COL4A2: variants seen among roughly 807,000 people sequenced by gnomAD.
COL4A2 encodes collagen type IV alpha 2 chain, also known as collagen alpha-2(IV) chain.
COL4A2 carries 99 observed loss-of-function variants against 200.2 expected under a neutral mutation model. That is an observed-to-expected ratio of 0.49 (90% CI 0.42 to 0.58). The LOEUF is 0.58. COL4A2 is among the 20% of genes least tolerant of loss of function. The pLI, the probability that COL4A2 is intolerant of heterozygous loss-of-function variation, is 0.00. For missense variants in COL4A2, 1,950 were observed against 2,314.1 expected (o/e 0.84, Z 3.23); for synonymous variants, 897 against 900.6 (o/e 1.00, Z 0.07).
intron 3 of COL4A2, among the ~76,000 whole-genome samples, chr13:110,347,059 C>T (rs1012619370): frequency 3.3e-5 from 5 of 152,206 alleles, no homozygotes; most frequent in African/African-American, 1.2e-4. Context: ...CTGCTTTTCG[C>T]CTCTAGAAAG....
Position 110,357,700 on chromosome 13 carries a change from C to A in COL4A2, c.180+148C>A. ...AGAGTACTCACACAAACCTAGATGG[C>A]CGGGCCTACTACACACCCGGCTGTG... On this transcript the variant is annotated intron_variant, in intron 4 of 47. Coordinates refer to ENST00000360467, the MANE Select transcript of COL4A2 (RefSeq NM_001846.4). 2.5e-6 allele frequency: 3 copies of A among 1,217,446 alleles called. No individual in the cohort carries two copies. The South Asian group carries it at 4.7e-5, about 19-fold the overall frequency. 75.4% of individuals were successfully genotyped at this position (1,217,446 alleles called of 1,614,324 possible).
intron 27 of COL4A2, among the ~76,000 whole-genome samples, 180 bp from the exon 28 acceptor site, chr13:110,469,037 A>T (rs2139508000): frequency 6.6e-6 from 1 of 152,346 alleles, no homozygotes; most frequent in East Asian, 1.9e-4. Flanking sequence ...GTCCGTAAAC[A>T]GGATTTTAAA....
intron 4 of COL4A2, among the ~76,000 whole-genome samples, chr13:110,423,159 G>A (rs1219766661): frequency 1.3e-5 from 2 of 152,112 alleles, no homozygotes; most frequent in Non-Finnish European, 2.9e-5. Context: ...AGGAAATTAG[G>A]ACATACGTTT....
At chr13:110,431,333 C>T (rs1566529222) in intron 10 of COL4A2, among the ~76,000 whole-genome samples, 1 of 152,156 alleles carries the variant, frequency 6.6e-6, no homozygotes, top group African/African-American at 2.4e-5. Context: ...ACACCAGTTC[C>T]TTGACAGATA....
chr13:110,446,469 G>A (rs967498392), intron 17 of COL4A2, among the ~76,000 whole-genome samples: 15 of 152,156 alleles, frequency 9.9e-5, no homozygotes, highest in African/African-American at 2.9e-4. Flanking sequence ...GCCCACCCTC[G>A]CCAGGCGGCT....
At chr13:110,408,703 C>T (rs1317877194) in intron 4 of COL4A2, among the ~76,000 whole-genome samples, 3 of 152,134 alleles carry the variant, frequency 2.0e-5, no homozygotes, top group Non-Finnish European at 4.4e-5. Flanking sequence ...CGGCATTGCT[C>T]CTGCCTGGTG....
chr13:110,335,469 C>T (rs542048835), intron 3 of COL4A2, among the ~76,000 whole-genome samples: 33 of 152,276 alleles, frequency 2.2e-4, no homozygotes, highest in Admixed American at 3.3e-4. Flanking sequence ...CTCTTGTCTG[C>T]CACCATGTAA....
At chr13:110,472,799 C>T (rs1882529464) in intron 28 of COL4A2, 130 bp from the exon 29 acceptor site, 5 of 743,094 alleles carry the variant, frequency 6.7e-6, no homozygotes, top group East Asian at 5.4e-5. Flanking sequence ...GGGACAAGGG[C>T]TCGAGCTGAG....
At chr13:110,408,129 A>T (rs1346588008) in intron 4 of COL4A2, among the ~76,000 whole-genome samples, 1 of 152,120 alleles carries the variant, frequency 6.6e-6, no homozygotes. Context: ...GCAGAACAGG[A>T]ATCAGGAAGG....
At chr13:110,365,467 T>C (rs1225467302) in intron 4 of COL4A2, among the ~76,000 whole-genome samples, 1 of 152,176 alleles carries the variant, frequency 6.6e-6, no homozygotes, top group Admixed American at 6.5e-5. Context: ...TAGAACTAGA[T>C]GTCTCATTGA....
At chr13:110,507,816 A>T in intron 46 of COL4A2, 119 bp from the exon 47 acceptor site, 1 of 1,071,462 alleles carries the variant, frequency 9.3e-7, no homozygotes, top group Middle Eastern at 3.1e-4. Context: ...TAGGTGGCTA[A>T]ACTCCACCAG....
intron 4 of COL4A2, among the ~76,000 whole-genome samples, chr13:110,419,595 G>A (rs748868129): frequency 8.5e-5 from 13 of 152,256 alleles, no homozygotes; most frequent in Middle Eastern, 3.4e-3. Context: ...TGATGAATGC[G>A]GGAGTGTCGG....
intron 4 of COL4A2, among the ~76,000 whole-genome samples, chr13:110,396,403 G>C (rs1211963578): frequency 6.6e-6 from 1 of 152,216 alleles, no homozygotes; most frequent in Non-Finnish European, 1.5e-5. Context: ...CGTTGGAAAT[G>C]GGGGAGCGTG....
At chr13:110,472,337 G>A (rs187742841) in intron 28 of COL4A2, among the ~76,000 whole-genome samples, 30 of 152,062 alleles carry the variant, frequency 2.0e-4, no homozygotes, top group Middle Eastern at 3.4e-3. Flanking sequence ...GGATGGTCTC[G>A]ATCTCCTGAC....
chr13:110,396,541 T>C (rs1338183420), intron 4 of COL4A2, among the ~76,000 whole-genome samples: 1 of 152,184 alleles, frequency 6.6e-6, no homozygotes, highest in African/African-American at 2.4e-5. Context: ...AATCTGGCCA[T>C]CAAGATGTTC....
At chr13:110,476,083 C>T (rs895715966) in intron 29 of COL4A2, among the ~76,000 whole-genome samples, 5 of 152,220 alleles carry the variant, frequency 3.3e-5, no homozygotes, top group African/African-American at 1.2e-4. Context: ...CTGCTGCCCC[C>T]TGCTGAGGCC....
rs761236162 is a variant in COL4A2, at chr13:110,424,877, C to G, written c.315+9C>G. On this transcript the variant is annotated intron_variant, in intron 5 of 47. Transcript: ENST00000360467. The stretch of plus-strand genomic sequence containing the variant: ...GACCCAAGGGCGACGTGGTACGCAC[C>G]GCTGGTGTATTCCCCTGGCCTCATG... 4.3e-6 allele frequency: 7 copies of G among 1,614,060 alleles called. 1 individual carries two copies. In the South Asian group the frequency reaches 6.6e-5, roughly 15 times the overall value.
intron 4 of COL4A2, among the ~76,000 whole-genome samples, chr13:110,377,341 T>C (rs1340357054): frequency 6.6e-6 from 1 of 152,222 alleles, no homozygotes; most frequent in Non-Finnish European, 1.5e-5. Context: ...CATCTGCAGC[T>C]GTCCTTCCTG....
chr13:110,463,683 C>T (rs1055787010), intron 24 of COL4A2, among the ~76,000 whole-genome samples: 3 of 152,142 alleles, frequency 2.0e-5, no homozygotes, highest in Non-Finnish European at 4.4e-5. Context: ...CAGGTGCACA[C>T]CAGCACACCC....
Sources: gnomAD v4.1 joint callset for allele counts (sites outside exome capture counted in the v4.1 genomes callset) on GRCh38, gnomAD v4.1.1 for gene constraint, MANE v1.5 for transcripts, NCBI Gene and HGNC (gene_info 2026-07-23, HGNC 2026-07-21) for gene names.